Variants in ZBTB7C observed in about 807,000 individuals in gnomAD.
ZBTB7C encodes zinc finger and BTB domain-containing protein 7C.
A neutral mutation model predicts 25.7 loss-of-function variants in ZBTB7C; 8 were observed. The ratio of observed to expected loss-of-function variants is 0.31; its 90% CI spans 0.18 to 0.56. The LOEUF is 0.56. ZBTB7C is among the 20% of genes least tolerant of loss of function. ZBTB7C has a pLI of 0.91. For synonymous variants in ZBTB7C, 394 were observed against 369.0 expected (o/e 1.07, Z -0.78); for missense variants, 824 against 855.2 (o/e 0.96, Z 0.46).
At chr18:48,202,341 G>A (rs776594087) in intron 2 of ZBTB7C, among the ~76,000 whole-genome samples, 35 of 152,240 alleles carry the variant, frequency 2.3e-4, no homozygotes, top group African/African-American at 6.5e-4. Context: ...CCAAGAGGTC[G>A]CGAGGGATTA....
At chr18:48,310,582 T>G (rs2045794513) in intron 2 of ZBTB7C, among the ~76,000 whole-genome samples, 1 of 152,132 alleles carries the variant, frequency 6.6e-6, no homozygotes, top group Non-Finnish European at 1.5e-5. Context: ...CCCCTGAGGA[T>G]GGTGAGCAGC....
chr18:48,351,878 G>T lies in ZBTB7C; in HGVS notation c.-303-13480C>A, dbSNP rs2046870609. On this transcript the variant is annotated intron_variant, in intron 1 of 4. Transcript: ENST00000590800. Reference sequence around the variant, plus strand: ...CCTACCCTCGGGGAGATTTCCCTCTGACAGAGCATGGAGGGGGCTGGAGCA... The same window carrying T: ...CCTACCCTCGGGGAGATTTCCCTCTTACAGAGCATGGAGGGGGCTGGAGCA... Among the ~76,000 whole-genome samples the T allele has an allele frequency of 2.0e-5, 3 of 152,242 alleles. 1 individual carries two copies. Among genetic ancestry groups the T allele is most frequent in the South Asian group, 4.1e-4 (2 of 4,822 alleles).
chr18:48,152,351 GCA>G (rs1290760994), intron 3 of ZBTB7C, among the ~76,000 whole-genome samples: 27 of 152,062 alleles, frequency 1.8e-4, no homozygotes, highest in Non-Finnish European at 3.4e-4. Context: ...CAGGTGAAAG[GCA>G]GGTTGTTGAC....
intron 3 of ZBTB7C, among the ~76,000 whole-genome samples, chr18:48,053,144 T>C (rs566348318): frequency 2.2e-4 from 33 of 152,348 alleles, no homozygotes; most frequent in African/African-American, 5.8e-4. Context: ...AAGTGCTTGA[T>C]GCGTCCCTTC....
At chr18:48,367,997 A>G (rs559980997) in intron 1 of ZBTB7C, among the ~76,000 whole-genome samples, 1 of 152,042 alleles carries the variant, frequency 6.6e-6, no homozygotes, top group Admixed American at 6.5e-5. Context: ...AAGCAGGTTT[A>G]AGTACAGTAC....
intron 2 of ZBTB7C, among the ~76,000 whole-genome samples, chr18:48,291,319 G>A (rs1450160871): frequency 6.6e-6 from 1 of 152,180 alleles, no homozygotes; most frequent in Non-Finnish European, 1.5e-5. Flanking sequence ...AACTACCTCT[G>A]GGGATATAAA....
At chr18:48,188,528 A>C (rs1447202429) in intron 2 of ZBTB7C, among the ~76,000 whole-genome samples, 1 of 152,170 alleles carries the variant, frequency 6.6e-6, no homozygotes, top group African/African-American at 2.4e-5. Flanking sequence ...GGGAGTTACA[A>C]TTCAAGATGA....
intron 2 of ZBTB7C, among the ~76,000 whole-genome samples, chr18:48,231,471 G>A (rs2043250267): frequency 6.6e-6 from 1 of 152,106 alleles, no homozygotes; most frequent in South Asian, 2.1e-4. Context: ...TACCCACTGT[G>A]GGTCTCCTCT....
intron 2 of ZBTB7C, among the ~76,000 whole-genome samples, chr18:48,230,823 GC>G (rs2043231099): frequency 6.6e-6 from 1 of 152,182 alleles, no homozygotes; most frequent in Admixed American, 6.5e-5. Context: ...TGCACGGAAA[GC>G]CCCCTGCCCC....
intron 2 of ZBTB7C, among the ~76,000 whole-genome samples, chr18:48,244,763 G>T (rs2144383348): frequency 6.6e-6 from 1 of 152,116 alleles, no homozygotes; most frequent in South Asian, 2.1e-4. Context: ...TACAAGAAGG[G>T]CCATAATTTA....
chr18:48,286,399 G>C (rs138366684), intron 2 of ZBTB7C, among the ~76,000 whole-genome samples: 2 of 151,994 alleles, frequency 1.3e-5, no homozygotes, highest in Non-Finnish European at 2.9e-5. Flanking sequence ...GAGAGTAAAG[G>C]AAAACATCAT....
chr18:48,066,210 G>A (rs1023844280), intron 3 of ZBTB7C, among the ~76,000 whole-genome samples: 14 of 152,194 alleles, frequency 9.2e-5, no homozygotes, highest in Non-Finnish European at 1.9e-4. Flanking sequence ...CACCAGCCTT[G>A]GTTTGCGGCT....
intron 3 of ZBTB7C, among the ~76,000 whole-genome samples, chr18:48,095,149 A>T (rs912277650): frequency 6.6e-6 from 1 of 152,186 alleles, no homozygotes; most frequent in Non-Finnish European, 1.5e-5. Context: ...CCCAAATGAC[A>T]TGCATCAGAA....
chr18:48,114,144 T>C (rs890007334), intron 3 of ZBTB7C, among the ~76,000 whole-genome samples: 7 of 152,012 alleles, frequency 4.6e-5, no homozygotes, highest in African/African-American at 1.7e-4. Flanking sequence ...ATCCACACTA[T>C]AGGTGAGGAT....
chr18:48,177,560 C>CGT (rs373052877), intron 3 of ZBTB7C, among the ~76,000 whole-genome samples: 22 of 151,738 alleles, frequency 1.4e-4, no homozygotes, highest in Non-Finnish European at 2.8e-4. Flanking sequence ...AGGGTGTGTG[C>CGT]GTGTGTGTGT....
At chr18:48,132,340 T>A (rs916092356) in intron 3 of ZBTB7C, among the ~76,000 whole-genome samples, 1 of 152,224 alleles carries the variant, frequency 6.6e-6, no homozygotes, top group Non-Finnish European at 1.5e-5. Context: ...TATTATCTGA[T>A]TCTATTTATA....
chr18:48,316,924 T>C (rs1019194755), intron 2 of ZBTB7C, among the ~76,000 whole-genome samples: 1 of 152,128 alleles, frequency 6.6e-6, no homozygotes, highest in Admixed American at 6.5e-5. Context: ...CCATCACACA[T>C]GATTGCTGTG....
intron 3 of ZBTB7C, among the ~76,000 whole-genome samples, chr18:48,180,130 T>TCCTTCCTTCCTTCCTTCCTTCCTTCCTA (rs2041869721): frequency 7.8e-6 from 1 of 127,918 alleles, no homozygotes; most frequent in African/African-American, 3.0e-5. Flanking sequence ...CTTCCTTCCT[T>TCCTTCCTTCCTTCCTTCCTTCCTTCCTA]CCTTCCTTCC....
chr18:48,105,204 A>G (rs900569572), intron 3 of ZBTB7C, among the ~76,000 whole-genome samples: 9 of 152,210 alleles, frequency 5.9e-5, no homozygotes, highest in Non-Finnish European at 1.2e-4. Context: ...CAGGATTTAG[A>G]ATATGGGCAA....
Sources: allele counts gnomAD v4.1 joint callset (sites outside exome capture counted in the v4.1 genomes callset), GRCh38; gene constraint gnomAD v4.1.1; transcripts MANE v1.5; gene names NCBI Gene and HGNC (gene_info 2026-07-23, HGNC 2026-07-21).